FYB1: variants seen among roughly 807,000 people sequenced by gnomAD.
FYB1 encodes the protein FYN binding protein 1, also known as FYN-binding protein 1.
A neutral mutation model predicts 94.1 loss-of-function variants in FYB1; 41 were observed. The observed-to-expected ratio is 0.44, with a 90% CI of 0.34 to 0.57. FYB1 has a LOEUF of 0.57. FYB1 is among the 20% of genes least tolerant of loss of function. The pLI, the probability that FYB1 is intolerant of heterozygous loss-of-function variation, is 0.02. For synonymous variants in FYB1, 367 were observed against 353.2 expected (o/e 1.04, Z -0.44); for missense variants, 1,050 against 976.8 (o/e 1.07, Z -1.00).
At chr5:39,163,781 T>A (rs181965444) in intron 2 of FYB1, among the ~76,000 whole-genome samples, 118 of 152,356 alleles carry the variant, frequency 7.7e-4, no homozygotes, top group African/African-American at 2.7e-3. Flanking sequence ...CTTTGTCAGA[T>A]GCTCATAGAT....
rs190763504 is a variant in FYB1 at position 39,163,677 on chromosome 5, G to A, written c.1136-10073C>T. ...AAATAATATGAAATTCAAATTAGGC[G>A]GTAATTAGACAGGATATTGCTGACT... On this transcript the variant is annotated intron_variant, in intron 2 of 18. Transcript: ENST00000512982. 2.2e-3 allele frequency among the ~76,000 whole-genome samples: 328 copies of A among 152,180 alleles called. 1 individual carries two copies. The highest frequency in any genetic ancestry group is 7.7e-3 in the African/African-American group (319 of 41,522).
At chr5:39,146,948 C>T (rs1015870658) in intron 3 of FYB1, among the ~76,000 whole-genome samples, 2 of 152,072 alleles carry the variant, frequency 1.3e-5, no homozygotes, top group Admixed American at 6.6e-5. Context: ...AAATCCAGAT[C>T]AAACTGTCAG....
intron 1 of FYB1, among the ~76,000 whole-genome samples, chr5:39,237,154 T>C (rs1007757389): frequency 7.2e-5 from 11 of 152,066 alleles, no homozygotes; most frequent in Admixed American, 5.9e-4. Context: ...TTGACTGTCA[T>C]TGGTAACTGG....
At chr5:39,252,823 A>G (rs835196) in intron 1 of FYB1, among the ~76,000 whole-genome samples, 3,179 of 152,258 alleles carry the variant, frequency 0.021, 131 homozygotes, top group African/African-American at 0.073. Context: ...TTCTCTCCCC[A>G]CTGGTTTCCA....
At chr5:39,130,440 GATAA>G in intron 10 of FYB1, 146 bp downstream of exon 10, 1 of 637,402 alleles carries the variant, frequency 1.6e-6, no homozygotes, top group Non-Finnish European at 2.8e-6. Flanking sequence ...ACATAAAAAT[GATAA>G]ATGCTCATGA....
intron 3 of FYB1, among the ~76,000 whole-genome samples, chr5:39,150,364 T>G (rs1023235525): frequency 1.3e-5 from 2 of 152,362 alleles, no homozygotes; most frequent in African/African-American, 4.8e-5. Flanking sequence ...TCCCTGTACC[T>G]GCCTTACAAG....
At chr5:39,247,259 A>C (rs1751522704) in intron 1 of FYB1, among the ~76,000 whole-genome samples, 2 of 151,560 alleles carry the variant, frequency 1.3e-5, no homozygotes, top group Admixed American at 1.3e-4. Flanking sequence ...GTTCCCAGAT[A>C]CTAAGTTTTG....
chr5:39,254,283 G>A (rs1030135522), intron 1 of FYB1, among the ~76,000 whole-genome samples: 13 of 152,094 alleles, frequency 8.5e-5, no homozygotes, highest in African/African-American at 2.7e-4. Flanking sequence ...TGTCTTCTAC[G>A]ATGGTTGAAG....
At chr5:39,128,676 T>C (rs1361838984) in intron 10 of FYB1, among the ~76,000 whole-genome samples, 1 of 152,166 alleles carries the variant, frequency 6.6e-6, no homozygotes, top group Non-Finnish European at 1.5e-5. Context: ...AGAAGTGGCT[T>C]ACTCTGAGTC....
At chr5:39,115,901 A>T (rs551108178) in intron 16 of FYB1, among the ~76,000 whole-genome samples, 40 of 152,164 alleles carry the variant, frequency 2.6e-4, no homozygotes, top group Non-Finnish European at 4.0e-4. Flanking sequence ...AATCCAACTG[A>T]CAGTACTTGC....
At chr5:39,155,348 C>A (rs1373428815) in intron 2 of FYB1, among the ~76,000 whole-genome samples, 1 of 152,108 alleles carries the variant, frequency 6.6e-6, no homozygotes, top group African/African-American at 2.4e-5. Flanking sequence ...GACTCGAGAC[C>A]CTCTAGGCCA....
rs1318151942 is a variant in FYB1, at chr5:39,124,199, A to G, written c.2071+54T>C. 1.2e-5 allele frequency: 15 copies of G among 1,240,712 alleles called. No homozygotes were observed. The Admixed American group carries it at 1.7e-4, about 14-fold the overall frequency. The allele number at this position is 1,240,712 out of a possible 1,614,324, so 76.9% of individuals were successfully genotyped here. The stretch of plus-strand genomic sequence containing the variant: ...ATACTATATCCAGAGCTTTCCCACT[A>G]CCACACTGCAAGAAATGAAGATACA... On this transcript the variant is annotated intron_variant, in intron 13 of 18. Transcript: ENST00000512982.
intron 13 of FYB1, 68 bp downstream of exon 13, chr5:39,124,185 A>T: frequency 9.4e-7 from 1 of 1,067,470 alleles, no homozygotes; most frequent in Non-Finnish European, 1.4e-6. Flanking sequence ...TACTATATCC[A>T]GAGCTTTCCC....
At chr5:39,212,819 A>G (rs1749534664) in intron 1 of FYB1, 1 of 152,138 alleles carries the variant, frequency 6.6e-6, no homozygotes, top group East Asian at 1.9e-4. Context: ...TTCTCTTTCC[A>G]AAGCACTTCA....
At chr5:39,256,369 G>T (rs980177659) in intron 1 of FYB1, among the ~76,000 whole-genome samples, 1 of 152,188 alleles carries the variant, frequency 6.6e-6, no homozygotes, top group African/African-American at 2.4e-5. Flanking sequence ...GACTTACCGT[G>T]TGGAAGGGTA....
At chr5:39,261,337 G>GAGACAC (rs1752203452) in intron 1 of FYB1, among the ~76,000 whole-genome samples, 2 of 133,806 alleles carry the variant, frequency 1.5e-5, no homozygotes, top group African/African-American at 2.8e-5. Context: ...TGTAGATTAA[G>GAGACAC]ACACACACAC....
At chr5:39,124,388 A>T (rs993195692) in intron 12 of FYB1, 110 bp from the exon 13 acceptor site, 24 of 580,972 alleles carry the variant, frequency 4.1e-5, no homozygotes, top group Non-Finnish European at 7.0e-5. Context: ...ATATTGGGTT[A>T]CTTCATCTGT....
chr5:39,140,826 A>G (rs755269067), intron 4 of FYB1, among the ~76,000 whole-genome samples: 17 of 152,250 alleles, frequency 1.1e-4, no homozygotes, highest in Non-Finnish European at 1.8e-4. Context: ...CTTTCTGTGA[A>G]CTAAATACAT....
At chr5:39,119,502 T>C in intron 15 of FYB1, 33 bp downstream of exon 15, 1 of 1,442,836 alleles carries the variant, frequency 6.9e-7, no homozygotes, top group South Asian at 1.4e-5. Context: ...CAATAGTGCT[T>C]TGTACTTTGT....
Sources: gnomAD v4.1 joint callset for allele counts (sites outside exome capture counted in the v4.1 genomes callset) on GRCh38, gnomAD v4.1.1 for gene constraint, MANE v1.5 for transcripts, NCBI Gene and HGNC (gene_info 2026-07-23, HGNC 2026-07-21) for gene names.